Variants in MBP observed in about 807,000 individuals in gnomAD.
MBP encodes Golli-MBP.
Under a neutral mutation model 35.8 loss-of-function variants are expected in MBP, and 16 were observed. The observed-to-expected ratio is 0.45, with a 90% CI of 0.30 to 0.68. The LOEUF (loss-of-function observed/expected upper bound fraction) is 0.68, where lower values mean the gene tolerates loss of function less well. MBP is among the 30% of genes least tolerant of loss of function. MBP has a pLI of 0.08. For synonymous variants in MBP, 143 were observed against 159.6 expected (o/e 0.90, Z 0.78); for missense variants, 380 against 404.7 (o/e 0.94, Z 0.52).
In MBP at chr18:77,105,191, C is replaced by T. The variant is rs771243688; in HGVS notation, c.51+20G>A. ...ATAAGAAAACAACATGCACATGTTTCGGATCAGCTCACGTCTTACCGTACT... is the reference window on the plus strand; with the variant it reads ...ATAAGAAAACAACATGCACATGTTTTGGATCAGCTCACGTCTTACCGTACT... On this transcript the variant is annotated intron_variant, in intron 2 of 8. Coordinates refer to ENST00000355994, the MANE Select transcript of MBP (RefSeq NM_001025101.2). The T allele has an allele frequency of 5.6e-6, 9 of 1,611,570 alleles. No homozygotes were observed. The highest frequency in any genetic ancestry group is 1.6e-4 in the Middle Eastern group (1 of 6,070).
At chr18:77,077,726 T>C (rs1246126748) in intron 2 of MBP, among the ~76,000 whole-genome samples, 1 of 152,166 alleles carries the variant, frequency 6.6e-6, no homozygotes, top group Non-Finnish European at 1.5e-5. Flanking sequence ...CTCTCACAGG[T>C]GACTCTCAGC....
At chr18:77,132,447 G>C (rs1050287347) in intron 1 of MBP, 133 bp downstream of exon 1, 10 of 152,260 alleles carry the variant, frequency 6.6e-5, no homozygotes, top group African/African-American at 2.2e-4. Flanking sequence ...GATAGCTCCT[G>C]TCCCCGATCT....
intron 3 of MBP, among the ~76,000 whole-genome samples, chr18:77,035,281 A>G (rs1467663578): frequency 1.3e-5 from 2 of 152,224 alleles, no homozygotes; most frequent in Non-Finnish European, 2.9e-5. Flanking sequence ...TACACACTGC[A>G]TTCTAAGTGT....
rs564484446 is a variant in MBP, at chr18:77,007,460, G to A, written c.576+9372C>T. On this transcript the variant is annotated intron_variant, in intron 4 of 8. Transcript: ENST00000355994. ...TGGCCTCTGTGAGCCAGGCATCGCCGGCCCCTGCTCAGGGGGCTGGAGGGA... is the reference window on the plus strand; with the variant it reads ...TGGCCTCTGTGAGCCAGGCATCGCCAGCCCCTGCTCAGGGGGCTGGAGGGA... 9.8e-4 allele frequency among the ~76,000 whole-genome samples: 150 copies of A among 152,292 alleles called. 1 individual carries two copies. The highest frequency in any genetic ancestry group is 3.3e-3 in the African/African-American group (138 of 41,578).
intron 2 of MBP, among the ~76,000 whole-genome samples, chr18:77,066,832 G>A (rs891179203): frequency 1.3e-5 from 2 of 152,212 alleles, no homozygotes; most frequent in African/African-American, 4.8e-5. Context: ...AGTCCTTTTA[G>A]GGACAGAAAA....
intron 2 of MBP, among the ~76,000 whole-genome samples, chr18:77,078,901 C>T (rs1224244404): frequency 6.6e-6 from 1 of 152,240 alleles, no homozygotes; most frequent in African/African-American, 2.4e-5. Flanking sequence ...AGCACTGGGA[C>T]TCCAGGAGCC....
chr18:77,023,579 C>T (rs934476445), intron 3 of MBP, among the ~76,000 whole-genome samples: 2 of 152,178 alleles, frequency 1.3e-5, no homozygotes, highest in African/African-American at 4.8e-5. Context: ...ACACAAGGCT[C>T]CTAACTCATG....
At chr18:77,070,860 A>G (rs1974411742) in intron 2 of MBP, among the ~76,000 whole-genome samples, 1 of 152,198 alleles carries the variant, frequency 6.6e-6, no homozygotes, top group South Asian at 2.1e-4. Context: ...CACAGCCAGG[A>G]CGTCGGCGGG....
chr18:77,094,013 G>C (rs1351516842), intron 2 of MBP, among the ~76,000 whole-genome samples: 1 of 145,710 alleles, frequency 6.9e-6, no homozygotes, highest in Non-Finnish European at 1.5e-5. Context: ...GTCTCGCTCT[G>C]TCGCCCAGGC....
chr18:77,104,930 C>T (rs1976203262), intron 2 of MBP, among the ~76,000 whole-genome samples: 1 of 152,070 alleles, frequency 6.6e-6, no homozygotes, highest in African/African-American at 2.4e-5. Flanking sequence ...CCCTTTCTTT[C>T]TTCTTCCTAA....
chr18:77,024,439 G>A (rs747803280), intron 3 of MBP, among the ~76,000 whole-genome samples: 1 of 152,178 alleles, frequency 6.6e-6, no homozygotes, highest in Non-Finnish European at 1.5e-5. Context: ...TTTCTAATAT[G>A]GTAAATAAAA....
chr18:76,990,857 T>C, intron 4 of MBP: 1 of 279,340 alleles, frequency 3.6e-6, no homozygotes. Context: ...CAGCAGCGGG[T>C]TTGGGTGTGC....
At chr18:77,081,819 T>TATATATACACACACTATACACAC (rs1555726071) in intron 2 of MBP, among the ~76,000 whole-genome samples, 13 of 76,294 alleles carry the variant, frequency 1.7e-4, no homozygotes, top group African/African-American at 4.5e-4. Context: ...CACACATATA[T>TATATATACACACACTATACACAC]ACACACACAC....
chr18:77,076,280 C>A (rs77870478), intron 2 of MBP, among the ~76,000 whole-genome samples: 20 of 152,336 alleles, frequency 1.3e-4, no homozygotes, highest in East Asian at 7.7e-4. Context: ...CTTGGCCTGA[C>A]CTTGATGAGG....
At chr18:77,017,680 T>G (rs1431836081) in intron 3 of MBP, 2 of 161,912 alleles carry the variant, frequency 1.2e-5, no homozygotes, top group African/African-American at 4.8e-5. Context: ...GCAAGGAGCA[T>G]TTATTTGACA....
intron 2 of MBP, among the ~76,000 whole-genome samples, chr18:77,082,147 C>T (rs2897498): frequency 0.92 from 139,412 of 151,978 alleles, 64,574 homozygotes; most frequent in South Asian, 0.98. Flanking sequence ...CCACTGCGCC[C>T]GGCCCATAGC....
At chr18:77,067,733 A>G in intron 2 of MBP, 1 of 458,556 alleles carries the variant, frequency 2.2e-6, no homozygotes, top group Non-Finnish European at 4.4e-6. Context: ...TCTGCACTTA[A>G]GTTTGTACCA....
intron 3 of MBP, among the ~76,000 whole-genome samples, chr18:77,056,527 C>A (rs2144732958): frequency 6.6e-6 from 1 of 152,314 alleles, no homozygotes; most frequent in East Asian, 1.9e-4. Flanking sequence ...CTGCGGGAGG[C>A]AGGGGCCTAA....
intron 3 of MBP, among the ~76,000 whole-genome samples, chr18:77,024,644 G>A (rs1972126410): frequency 6.6e-6 from 1 of 152,204 alleles, no homozygotes; most frequent in African/African-American, 2.4e-5. Flanking sequence ...AAAGCATGTG[G>A]GCGACGGAGA....
Sources: allele counts gnomAD v4.1 joint callset (sites outside exome capture counted in the v4.1 genomes callset), GRCh38; gene constraint gnomAD v4.1.1; transcripts MANE v1.5; gene names NCBI Gene and HGNC (gene_info 2026-07-23, HGNC 2026-07-21).